The following ZBBX variants were observed in gnomAD, a reference collection of about 807,000 sequenced individuals.
ZBBX encodes zinc finger B-box domain containing, also known as zinc finger B-box domain-containing protein 1.
ZBBX carries 101 observed loss-of-function variants against 108.5 expected under a neutral mutation model. The observed-to-expected ratio is 0.93, with a 90% CI of 0.79 to 1.10. The LOEUF (loss-of-function observed/expected upper bound fraction) is 1.10, where lower values mean the gene tolerates loss of function less well. ZBBX is among the 50% of genes least tolerant of loss of function. ZBBX has a pLI of 0.00. For synonymous variants in ZBBX, 356 were observed against 323.4 expected (o/e 1.10, Z -1.08); for missense variants, 1,009 against 941.4 (o/e 1.07, Z -0.94).
chr3:167,229,573 A>G, the ZBBX span, among the ~76,000 whole-genome samples: 1 of 151,862 alleles, frequency 6.6e-6, no homozygotes, highest in African/African-American at 2.4e-5. Flanking sequence ...TACTTCGGAA[A>G]TATGATGATC....
chr3:167,258,326 C>T (rs1446007845), intron 20 of ZBBX, among the ~76,000 whole-genome samples: 4 of 152,036 alleles, frequency 2.6e-5, no homozygotes, highest in African/African-American at 9.7e-5. Context: ...TATAGTTTCC[C>T]ATCCTAGATT....
chr3:167,234,505 T>A, the ZBBX span, among the ~76,000 whole-genome samples: 10 of 151,848 alleles, frequency 6.6e-5, no homozygotes, highest in Non-Finnish European at 1.3e-4. Context: ...GATGCTTTTG[T>A]AAAGACATAA....
At chr3:167,376,036 C>T (rs1746903770) in intron 2 of ZBBX, among the ~76,000 whole-genome samples, 1 of 152,150 alleles carries the variant, frequency 6.6e-6, no homozygotes, top group South Asian at 2.1e-4. Context: ...TCCACAAAAG[C>T]AACCACAATA....
At chr3:167,274,708 T>C (rs568600310) in intron 20 of ZBBX, among the ~76,000 whole-genome samples, 2 of 152,296 alleles carry the variant, frequency 1.3e-5, no homozygotes, top group East Asian at 3.9e-4. Context: ...ATCGTTCCCT[T>C]GAAACTGCAC....
intron 8 of ZBBX, among the ~76,000 whole-genome samples, chr3:167,357,942 C>T (rs1423884966): frequency 2.6e-5 from 4 of 152,096 alleles, no homozygotes; most frequent in African/African-American, 4.8e-5. Flanking sequence ...AACCAAACAC[C>T]GCATATTCTC....
chr3:167,323,956 TA>T (rs1736918712), intron 11 of ZBBX, among the ~76,000 whole-genome samples: 1 of 151,962 alleles, frequency 6.6e-6, no homozygotes, highest in Non-Finnish European at 1.5e-5. Context: ...AAAACCAAGT[TA>T]AAAATCAATA....
At chr3:167,215,375 G>A in the ZBBX span, among the ~76,000 whole-genome samples, 213 of 152,036 alleles carry the variant, frequency 1.4e-3, no homozygotes, top group African/African-American at 5.1e-3. Flanking sequence ...ACTAGAAAAC[G>A]TAGAAGTTAT....
chr3:167,322,239 T>G lies in ZBBX; in HGVS notation c.863-2A>C, dbSNP rs1736569250. 1 of 1,447,866 alleles carries G rather than the reference T, an allele frequency of 6.9e-7. No homozygotes were observed. The highest frequency in any genetic ancestry group is 1.5e-5 in the African/African-American group (1 of 68,104). The allele number at this position is 1,447,866 out of a possible 1,614,324, so 89.7% of individuals were successfully genotyped here. A position where few individuals can be genotyped will look rare whatever the true frequency, so the allele number is the denominator to read the frequency against. On this transcript the variant is annotated splice_acceptor_variant, in intron 11 of 21. Coordinates refer to ENST00000675490, the MANE Select transcript of ZBBX (RefSeq NM_001199201.2). LOFTEE classifies it high-confidence loss of function. The stretch of plus-strand genomic sequence containing the variant: ...GTACTTCGCATTCTTCCAATGAGTC[T>G]GTAAAAATAAACACAATGTGCATAA...
intron 17 of ZBBX, among the ~76,000 whole-genome samples, chr3:167,300,164 ATT>A (rs1732389316): frequency 6.6e-6 from 1 of 152,136 alleles, no homozygotes; most frequent in Non-Finnish European, 1.5e-5. Context: ...TTAAAACATT[ATT>A]TTATTTATAA....
chr3:167,219,073 T>C, the ZBBX span, among the ~76,000 whole-genome samples: 1 of 151,898 alleles, frequency 6.6e-6, no homozygotes, highest in African/African-American at 2.4e-5. Context: ...AAGGGGTCAA[T>C]ACAGCAAGAG....
intron 6 of ZBBX, among the ~76,000 whole-genome samples, chr3:167,360,971 A>ATTTGGC (rs1432176078): frequency 6.6e-6 from 1 of 152,048 alleles, no homozygotes; most frequent in Non-Finnish European, 1.5e-5. Context: ...TGAAAACATA[A>ATTTGGC]TTTGGCTTTT....
chr3:167,382,810 T>C (rs1181036258), upstream of ZBBX, among the ~76,000 whole-genome samples: 3 of 152,132 alleles, frequency 2.0e-5, no homozygotes, highest in Admixed American at 1.3e-4. Context: ...TATTTGAAGA[T>C]TTTTTCACCT....
At chr3:167,338,103 T>C (rs928360274) in intron 9 of ZBBX, among the ~76,000 whole-genome samples, 1 of 152,112 alleles carries the variant, frequency 6.6e-6, no homozygotes, top group East Asian at 1.9e-4. Flanking sequence ...CACTCTAGGA[T>C]AGAAACTAAA....
At chr3:167,190,429 G>A in the ZBBX span, among the ~76,000 whole-genome samples, 1 of 144,430 alleles carries the variant, frequency 6.9e-6, no homozygotes, top group Non-Finnish European at 1.5e-5. Context: ...CGCCCAGGCT[G>A]GAGTGCAGTG....
chr3:167,284,742 A>G (rs2108539074), intron 19 of ZBBX, among the ~76,000 whole-genome samples: 1 of 152,290 alleles, frequency 6.6e-6, no homozygotes, highest in East Asian at 1.9e-4. Context: ...CTTACTGGAA[A>G]TATGCTCAAA....
chr3:167,216,297 A>G, the ZBBX span, among the ~76,000 whole-genome samples: 1 of 152,186 alleles, frequency 6.6e-6, no homozygotes, highest in South Asian at 2.1e-4. Context: ...TACAAAATCA[A>G]TGTACAAAAA....
At chr3:167,334,803 G>A (rs1334501356) in intron 9 of ZBBX, among the ~76,000 whole-genome samples, 4 of 152,094 alleles carry the variant, frequency 2.6e-5, no homozygotes, top group Non-Finnish European at 4.4e-5. Flanking sequence ...GACTGAATAA[G>A]CAGTAATGAC....
chr3:167,262,208 G>C (rs1342313160), intron 20 of ZBBX, among the ~76,000 whole-genome samples: 1 of 5,878 alleles, frequency 1.7e-4, no homozygotes. Flanking sequence ...TTGTGGGTCG[G>C]GGGGGGCGTC....
intron 20 of ZBBX, among the ~76,000 whole-genome samples, chr3:167,275,857 C>T (rs1268563866): frequency 1.3e-5 from 2 of 152,214 alleles, no homozygotes; most frequent in Admixed American, 1.3e-4. Context: ...CAGCAGTAAC[C>T]TCTGCAGACT....
Sources: allele counts gnomAD v4.1 joint callset (sites outside exome capture counted in the v4.1 genomes callset), GRCh38; gene constraint gnomAD v4.1.1; transcripts MANE v1.5; gene names NCBI Gene and HGNC (gene_info 2026-07-23, HGNC 2026-07-21).